AIPL1: variants seen among roughly 807,000 people sequenced by gnomAD.
AIPL1 encodes aryl-hydrocarbon-interacting protein-like 1.
In AIPL1, 23 loss-of-function variants were observed where a neutral mutation model predicts 32.9. That is an observed-to-expected ratio of 0.70 (90% CI 0.50 to 0.99). The LOEUF is 0.99. Ranked by LOEUF, AIPL1 falls within the 50% of genes least tolerant of loss-of-function variation. The pLI is 0.00. For missense variants in AIPL1, 485 were observed against 506.0 expected (o/e 0.96, Z 0.40); for synonymous variants, 210 against 209.4 (o/e 1.00, Z -0.02).
chr17:6,425,846 A>G lies in AIPL1; in HGVS notation c.785-16T>C. 1.2e-6 allele frequency: 2 copies of G among 1,600,676 alleles called. No individual in the cohort carries two copies. Among genetic ancestry groups the G allele is most frequent in the Non-Finnish European group, 1.7e-6 (2 of 1,178,912 alleles). The stretch of plus-strand genomic sequence containing the variant: ...TTCACGATGCCTGTGGGGAGCAGGG[A>G]GCATCCAGCTACAGCTCCCTTCCCA... On this transcript the variant is annotated splice_polypyrimidine_tract_variant and intron_variant, in intron 5 of 5. Transcript: ENST00000381129.
intron 1 of AIPL1, among the ~76,000 whole-genome samples, chr17:6,434,448 T>G (rs1433475618): frequency 5.6e-5 from 8 of 142,748 alleles, no homozygotes; most frequent in Non-Finnish European, 1.2e-4. Flanking sequence ...AACCTCCACC[T>G]CCTGGGCTCA....
At chr17:6,427,810 C>CTTTTTTT (rs5819114) in intron 3 of AIPL1, among the ~76,000 whole-genome samples, 6 of 144,746 alleles carry the variant, frequency 4.1e-5, no homozygotes, top group Non-Finnish European at 3.0e-5. Context: ...TCCAAGTGGA[C>CTTTTTTT]TTTTTTTTTT....
rs1387864459 is a variant in AIPL1, at chr17:6,434,029, C to T, written c.166G>A (p.Gly56Ser). Residue 56 changes from glycine to serine, a missense_variant, in exon 2 of 6, where the codon GGC becomes AGC. Gly to Ser is a moderately conservative substitution (Grantham distance 56). Coordinates refer to ENST00000381129, the MANE Select transcript of AIPL1 (RefSeq NM_014336.5). ...RTVIDDSRQVGQPMHIIIGNM... is the reference protein window; with the variant it reads ...RTVIDDSRQVSQPMHIIIGNM... The stretch of plus-strand genomic sequence containing the variant: ...CCGATGATGATGTGCATGGGCTGGC[C>T]CACCTGCCGACTGTCGTCAATGACT... 1 of 1,614,130 alleles carries T rather than the reference C, an allele frequency of 6.2e-7. No individual in the cohort carries two copies. Among genetic ancestry groups the T allele is most frequent in the Non-Finnish European group, 8.5e-7 (1 of 1,180,012 alleles).
At chr17:6,427,972 A>AC (rs2150679743) in intron 3 of AIPL1, among the ~76,000 whole-genome samples, 1 of 152,024 alleles carries the variant, frequency 6.6e-6, no homozygotes, top group South Asian at 2.1e-4. Context: ...GGCATGCACC[A>AC]CCACACCCGG....
At position 6,434,019 on chromosome 17, in the gene AIPL1, A is replaced by G. The variant is rs545384558; in HGVS notation, c.176T>C (p.Met59Thr). The change falls in exon 2 of 6, where the codon ATG becomes ACG. Residue 59 changes from methionine (M) to threonine (T), a missense_variant. Met to Thr is a moderately conservative substitution (Grantham distance 81). Coordinates refer to ENST00000381129, the MANE Select transcript of AIPL1 (RefSeq NM_014336.5). ...GAACATGTTTCCGATGATGATGTGC[A>G]TGGGCTGGCCCACCTGCCGACTGTC... The part of the protein sequence containing the change: ...IDDSRQVGQP[M>T]HIIIGNMFKL... 5.0e-6 allele frequency: 8 copies of G among 1,613,936 alleles called. No individual in the cohort carries two copies. The South Asian group carries it at 5.5e-5, about 11-fold the overall frequency.
chr17:6,425,307 G>GT lies in AIPL1; in HGVS notation c.*152dup, dbSNP rs77115868. The GT allele has an allele frequency of 0.013, 10,012 of 743,038 alleles. 29 individuals carry two copies. Among genetic ancestry groups the GT allele is most frequent in the African/African-American group, 0.041 (2,103 of 51,774 alleles). The allele number at this position is 743,038 out of a possible 1,614,324, so 46.0% of individuals were successfully genotyped here. A position where few individuals can be genotyped will look rare whatever the true frequency, so the allele number is the denominator to read the frequency against. ...TAAGCTCTTCTGTACCCTTGGGATT[G>GT]TTTTTTTTTTTTTTTTTACCATGGG... is the stretch of plus-strand genomic sequence containing the variant. On this transcript the variant is annotated 3_prime_UTR_variant, in exon 6 of 6. Transcript: ENST00000381129.
At position 6,424,757 on chromosome 17, in the gene AIPL1, G is replaced by T. The variant is rs1313068186; in HGVS notation, c.*703C>A. On this transcript the variant is annotated 3_prime_UTR_variant, in exon 6 of 6. Transcript: ENST00000381129. ...TTTTTGTATTTTTAGTAGAGATGAG[G>T]TTTCACCATGTTGGCCAGGCTGGTC... The T allele has an allele frequency of 6.6e-6, 1 of 152,176 alleles. No homozygotes were observed. The highest frequency in any genetic ancestry group is 1.5e-5 in the Non-Finnish European group (1 of 68,058). 9.4% of individuals were successfully genotyped at this position (152,176 alleles called of 1,614,324 possible). A position where few individuals can be genotyped will look rare whatever the true frequency, so the allele number is the denominator to read the frequency against.
intron 2 of AIPL1, among the ~76,000 whole-genome samples, chr17:6,430,061 G>C (rs1372535685): frequency 7.6e-6 from 1 of 131,438 alleles, no homozygotes; most frequent in African/African-American, 2.7e-5. Context: ...GTGTGTGTGT[G>C]TGTGTGTGTG....
At position 6,427,032 on chromosome 17, in the gene AIPL1, C is replaced by T; in HGVS notation, c.491G>A (p.Arg164Lys). 1 of 1,614,174 alleles carries T rather than the reference C, an allele frequency of 6.2e-7. No homozygotes were observed. Among genetic ancestry groups the T allele is most frequent in the Non-Finnish European group, 8.5e-7 (1 of 1,180,042 alleles). ...ATGATTGCTCAGGTTCCAGGTCTCC[C>T]TCTGGTAATCACTCGGGGCATCAAC... ...LQVDAPSDYQ[R>K]ETWNLSNHEK... Residue 164 changes from arginine (R) to lysine (K), a missense_variant, in exon 4 of 6, where the codon AGG (arginine) becomes AAG (lysine). Coordinates refer to ENST00000381129, the MANE Select transcript of AIPL1 (RefSeq NM_014336.5).
rs187437608 is a variant in AIPL1, at chr17:6,429,016, G to A, written c.277-510C>T. ...TGTCCTGGCAGTGCTGCAGGTTAGCGGTGAGCCCAGGTCTCTGCACTTCTC... is the reference window on the plus strand; with the variant it reads ...TGTCCTGGCAGTGCTGCAGGTTAGCAGTGAGCCCAGGTCTCTGCACTTCTC... On this transcript the variant is annotated intron_variant, in intron 2 of 5. Coordinates refer to ENST00000381129, the MANE Select transcript of AIPL1 (RefSeq NM_014336.5). Among the ~76,000 whole-genome samples the A allele has an allele frequency of 5.3e-3, 802 of 152,312 alleles. 8 individuals carry two copies. The highest frequency in any genetic ancestry group is 0.019 in the African/African-American group (780 of 41,566).
chr17:6,426,116 C>A, intron 5 of AIPL1: 1 of 1,321,912 alleles, frequency 7.6e-7, no homozygotes, highest in Admixed American at 3.4e-5. Flanking sequence ...CAGGCCCTTT[C>A]CCTGCACCTC....
Position 6,428,296 on chromosome 17 carries a change from G to T in AIPL1, c.465+22C>A, listed in dbSNP as rs533326948. The T allele has an allele frequency of 9.9e-5, 158 of 1,603,806 alleles. 2 individuals are homozygous for T. The South Asian group carries it at 1.6e-3, about 16-fold the overall frequency. ...TCTCCAGTGCTGGCACAGCCCTCCA[G>T]CCCTGCCAACCCCAGCCCCACCTGC... is the stretch of plus-strand genomic sequence containing the variant. On this transcript the variant is annotated intron_variant, in intron 3 of 5. Coordinates refer to ENST00000381129, the MANE Select transcript of AIPL1 (RefSeq NM_014336.5).
In AIPL1 at chr17:6,426,499, G is replaced by A. The variant is rs184149056; in HGVS notation, c.784+116C>T. The A allele has an allele frequency of 6.0e-3, 9,179 of 1,524,924 alleles. 29 individuals carry two copies. The highest frequency in any genetic ancestry group is 7.3e-3 in the Non-Finnish European group (8,283 of 1,139,102). 94.5% of individuals were successfully genotyped at this position (1,524,924 alleles called of 1,614,324 possible). A position where few individuals can be genotyped will look rare whatever the true frequency, so the allele number is the denominator to read the frequency against. ...ACTCGGGGAAACCCGGCTGGGTGGA[G>A]ACAAGGTTTGGTGCCCTGGTGGGGT... On this transcript the variant is annotated intron_variant, in intron 5 of 5. Transcript: ENST00000381129.
At position 6,426,825 on chromosome 17, in the gene AIPL1, T is replaced by C. The variant is rs896436201; in HGVS notation, c.642+56A>G. 6.2e-6 allele frequency: 10 copies of C among 1,610,398 alleles called. No homozygotes were observed. In the African/African-American group the frequency reaches 1.2e-4, roughly 19 times the overall value. ...ACCCCCGCCCCACCCTGGCCGGCAC[T>C]GGGCAGGCCCCCCAGAGTCAGCGCC... is the stretch of plus-strand genomic sequence containing the variant. On this transcript the variant is annotated intron_variant, in intron 4 of 5. Transcript: ENST00000381129.
At chr17:6,426,478 G>A (rs372075622) in intron 5 of AIPL1, 137 bp downstream of exon 5, 12 of 1,510,078 alleles carry the variant, frequency 7.9e-6, no homozygotes, top group Non-Finnish European at 1.1e-5. Flanking sequence ...TTACACACTC[G>A]GGGAAACCCG....
Position 6,425,551 on chromosome 17 carries a change from G to A in AIPL1, c.1064C>T (p.Pro355Leu). The A allele has an allele frequency of 6.2e-7, 1 of 1,610,780 alleles. No individual in the cohort carries two copies. Among genetic ancestry groups the A allele is most frequent in the Non-Finnish European group, 8.5e-7 (1 of 1,178,384 alleles). Reference protein sequence around the residue: ...QSSTEPPAEPPTAPSAELSAG... With the variant: ...QSSTEPPAEPLTAPSAELSAG... ...GGACAGCTCTGCAGATGGTGCTGTG[G>A]GTGGCTCTGCAGGTGGCTCTGTGGA... The change falls in exon 6 of 6, where the codon CCC becomes CTC. Residue 355 changes from proline to leucine, a missense_variant. Coordinates refer to ENST00000381129, the MANE Select transcript of AIPL1 (RefSeq NM_014336.5).
rs747379984 is a variant in AIPL1 at position 6,435,041 on chromosome 17, C to T, written c.64G>A (p.Gly22Ser). The part of the protein sequence containing the change: ...VKKTILHGGT[G>S]ELPNFITGSR... The stretch of plus-strand genomic sequence containing the variant: ...CCGGTGATGAAGTTTGGGAGCTCGC[C>T]CGTGCCCCCGTGCAGAATGGTTTTC... The change falls in exon 1 of 6, where the codon GGC becomes AGC. Residue 22 changes from glycine (G) to serine (S), a missense_variant. Transcript: ENST00000381129. The T allele has an allele frequency of 6.2e-7, 1 of 1,614,084 alleles. No individual in the cohort carries two copies. The highest frequency in any genetic ancestry group is 8.5e-7 in the Non-Finnish European group (1 of 1,180,042).
intron 2 of AIPL1, among the ~76,000 whole-genome samples, chr17:6,430,084 T>C (rs559277971): frequency 7.1e-6 from 1 of 140,766 alleles, no homozygotes; most frequent in African/African-American, 2.6e-5. Context: ...TGTGTGTGTG[T>C]GTGCATGCGT....
chr17:6,432,438 G>A (rs764122125), intron 2 of AIPL1, among the ~76,000 whole-genome samples: 2 of 151,952 alleles, frequency 1.3e-5, no homozygotes, highest in Non-Finnish European at 2.9e-5. Flanking sequence ...CTTGAGAGAC[G>A]CATCAACAAA....
Sources: allele counts gnomAD v4.1 joint callset (sites outside exome capture counted in the v4.1 genomes callset), GRCh38; gene constraint gnomAD v4.1.1; transcripts MANE v1.5; gene names NCBI Gene and HGNC (gene_info 2026-07-23, HGNC 2026-07-21).